The following SCN7A variants were observed in gnomAD, a reference collection of about 807,000 sequenced individuals.
SCN7A encodes sodium voltage-gated channel alpha subunit 7.
A neutral mutation model predicts 155.2 loss-of-function variants in SCN7A; 138 were observed. The ratio of observed to expected loss-of-function variants is 0.89; its 90% CI spans 0.77 to 1.02. The LOEUF is 1.02. SCN7A is among the 50% of genes least tolerant of loss of function. The probability of loss-of-function intolerance (pLI) is 0.00; values close to 1 mark genes in which losing one functional copy is unlikely to be tolerated. For synonymous variants in SCN7A, 693 were observed against 649.0 expected (o/e 1.07, Z -1.03); for missense variants, 2,058 against 1,986.6 (o/e 1.04, Z -0.68).
chr2:166,420,469 A>G (rs1289409094), intron 20 of SCN7A, among the ~76,000 whole-genome samples: 3 of 152,118 alleles, frequency 2.0e-5, no homozygotes, highest in African/African-American at 2.4e-5. Flanking sequence ...TCTGTATACA[A>G]TGGGTCACTG....
chr2:166,411,958 T>C (rs1559086373), intron 23 of SCN7A, among the ~76,000 whole-genome samples: 2 of 152,106 alleles, frequency 1.3e-5, no homozygotes, highest in African/African-American at 4.8e-5. Flanking sequence ...GTCTTTTTAG[T>C]CCTTTGCGTT....
intron 23 of SCN7A, 139 bp downstream of exon 23, chr2:166,412,391 T>C (rs1016167116): frequency 9.7e-7 from 1 of 1,027,654 alleles, no homozygotes. Flanking sequence ...ACATTAATCA[T>C]GATTTTTTAA....
At chr2:166,448,552 C>G (rs112941913) in intron 11 of SCN7A, among the ~76,000 whole-genome samples, 82 of 152,274 alleles carry the variant, frequency 5.4e-4, no homozygotes, top group African/African-American at 1.8e-3. Flanking sequence ...AATGGCTGTA[C>G]TAACTTACAA....
chr2:166,409,878 C>A lies in SCN7A; in HGVS notation c.3769G>T (p.Val1257Phe). Residue 1257 changes from valine (V) to phenylalanine (F), a missense_variant, in exon 25 of 26, where the codon GTT (valine) becomes TTT (phenylalanine). Physicochemically the swap from Val to Phe is conservative, Grantham distance 50 (BLOSUM62 -1). Transcript: ENST00000643258. Reference protein sequence around the residue: ...VVTSQAFNVIVMVLICFQAIA... With the variant: ...VVTSQAFNVIFMVLICFQAIA... ...GCTTGGAAACATATAAGAACCATAA[C>A]AATGACATTAAAAGCTTGGCTTGTT... The A allele has an allele frequency of 6.4e-7, 1 of 1,568,700 alleles. No individual in the cohort carries two copies. The highest frequency in any genetic ancestry group is 8.7e-7 in the Non-Finnish European group (1 of 1,155,074).
At chr2:166,470,829 T>A (rs932386158) in intron 6 of SCN7A, 123 bp from the exon 7 acceptor site, 6 of 759,782 alleles carry the variant, frequency 7.9e-6, no homozygotes, top group Non-Finnish European at 9.9e-6. Flanking sequence ...CTTGATCACA[T>A]GATTCCATAT....
intron 16 of SCN7A, among the ~76,000 whole-genome samples, chr2:166,429,834 T>G (rs1701697442): frequency 6.6e-6 from 1 of 152,148 alleles, no homozygotes; most frequent in South Asian, 2.1e-4. Context: ...GGGCACAGCC[T>G]TATGAAAAGC....
intron 15 of SCN7A, among the ~76,000 whole-genome samples, chr2:166,433,241 T>C (rs565124120): frequency 2.6e-5 from 4 of 152,300 alleles, no homozygotes; most frequent in African/African-American, 9.6e-5. Context: ...AATGCATTTG[T>C]TAATTAGCTA....
chr2:166,413,455 A>G (rs774410600), intron 21 of SCN7A, among the ~76,000 whole-genome samples: 6 of 152,048 alleles, frequency 3.9e-5, no homozygotes, highest in Non-Finnish European at 7.4e-5. Flanking sequence ...TGAGAGACAT[A>G]AGAGGAATTG....
chr2:166,473,922 T>C, intron 4 of SCN7A, 34 bp from the exon 5 acceptor site: 1 of 1,133,070 alleles, frequency 8.8e-7, no homozygotes, highest in Non-Finnish European at 1.3e-6. Flanking sequence ...AGTTAATAAA[T>C]AATATTGGAA....
intron 10 of SCN7A, among the ~76,000 whole-genome samples, chr2:166,457,621 C>T (rs1176496291): frequency 1.3e-5 from 2 of 152,118 alleles, no homozygotes; most frequent in Non-Finnish European, 2.9e-5. Context: ...AACCTTTAGA[C>T]AAGCTACATG....
At chr2:166,414,397 C>G (rs1419198808) in intron 21 of SCN7A, 1 of 131,426 alleles carries the variant, frequency 7.6e-6, no homozygotes, top group Non-Finnish European at 1.6e-5. Context: ...ACTATTTTTA[C>G]CACCACTGAT....
At position 166,456,937 on chromosome 2, in the gene SCN7A, G is replaced by C. The variant is rs752630852; in HGVS notation, c.1223C>G (p.Ser408Cys). Reference protein sequence around the residue: ...EEEKQRVGEISKKIEPKFQQT... With the variant: ...EEEKQRVGEICKKIEPKFQQT... ...TTGAAATTTTGGTTCAATCTTCTTA[G>C]ATATTTCACCAACTCTCTGCTTTTC... The change falls in exon 11 of 26, where the codon TCT (serine) becomes TGT (cysteine). Residue 408 changes from serine to cysteine, a missense_variant. By Grantham distance (112) the Ser-to-Cys change is moderately radical. Coordinates refer to ENST00000643258, the MANE Select transcript of SCN7A (RefSeq NM_002976.4). The C allele has an allele frequency of 6.3e-7, 1 of 1,576,104 alleles. No homozygotes were observed. Among genetic ancestry groups the C allele is most frequent in the South Asian group, 1.2e-5 (1 of 86,132 alleles).
At chr2:166,454,734 T>C (rs1702241014) in intron 11 of SCN7A, among the ~76,000 whole-genome samples, 1 of 152,168 alleles carries the variant, frequency 6.6e-6, no homozygotes, top group Non-Finnish European at 1.5e-5. Context: ...AGAAAGGTAG[T>C]TCAAAGAAGA....
chr2:166,436,436 A>G, intron 15 of SCN7A: 1 of 431,500 alleles, frequency 2.3e-6, no homozygotes, highest in South Asian at 1.7e-5. Context: ...GAGGCCTCCC[A>G]AGCCCTGTGG....
chr2:166,429,632 A>G (rs1021253392), intron 16 of SCN7A, among the ~76,000 whole-genome samples: 2 of 152,208 alleles, frequency 1.3e-5, no homozygotes, highest in South Asian at 2.1e-4. Context: ...CATATATGCT[A>G]TTTCAATTAG....
chr2:166,482,651 T>G (rs1033027839), intron 2 of SCN7A, among the ~76,000 whole-genome samples: 1 of 151,872 alleles, frequency 6.6e-6, no homozygotes, highest in Non-Finnish European at 1.5e-5. Context: ...CAGTCACTTA[T>G]CCCAGAAGAT....
In SCN7A at chr2:166,406,559, A is replaced by G. The variant is rs780969029; in HGVS notation, c.4070T>C (p.Leu1357Pro). 6.2e-7 allele frequency: 1 copy of G among 1,612,926 alleles called. No homozygotes were observed. The highest frequency in any genetic ancestry group is 8.5e-7 in the Non-Finnish European group (1 of 1,179,270). The change falls in exon 26 of 26, where the codon CTG becomes CCG. Residue 1357 changes from leucine to proline, a missense_variant. Physicochemically the swap from Leu to Pro is moderately conservative, Grantham distance 98 (BLOSUM62 -3). Coordinates refer to ENST00000643258, the MANE Select transcript of SCN7A (RefSeq NM_002976.4). ...LILLSRIIHM[L>P]RLGKGPKVFH... ...CACCTTTGGTCCTTTTCCAAGACGC[A>G]GCATGTGAATGATCCGTGAGAGAAG...
chr2:166,418,019 A>C (rs915699695), intron 20 of SCN7A, among the ~76,000 whole-genome samples: 1 of 151,958 alleles, frequency 6.6e-6, no homozygotes, highest in African/African-American at 2.4e-5. Context: ...ACTCCACTGA[A>C]GCTGCTACGG....
chr2:166,431,915 T>C (rs1701739787), intron 16 of SCN7A, among the ~76,000 whole-genome samples: 1 of 152,096 alleles, frequency 6.6e-6, no homozygotes, highest in African/African-American at 2.4e-5. Flanking sequence ...ATTTAGTGAT[T>C]TGTTAAATCA....
Sources: allele counts gnomAD v4.1 joint callset (sites outside exome capture counted in the v4.1 genomes callset), GRCh38; gene constraint gnomAD v4.1.1; transcripts MANE v1.5; gene names NCBI Gene and HGNC (gene_info 2026-07-23, HGNC 2026-07-21).